Variants in THEMIS observed in about 807,000 individuals in gnomAD.
THEMIS encodes the protein protein THEMIS.
In THEMIS, 37 loss-of-function variants were observed where a neutral mutation model predicts 52.6. That is an observed-to-expected ratio of 0.70 (90% CI 0.54 to 0.93). The LOEUF (loss-of-function observed/expected upper bound fraction) is 0.93. THEMIS is among the 40% of genes least tolerant of loss of function. THEMIS has a pLI of 0.00. For missense variants in THEMIS, 808 were observed against 763.1 expected, an observed-to-expected ratio of 1.06 and a Z score of -0.69; for synonymous variants, 292 against 272.7, an observed-to-expected ratio of 1.07 and a Z score of -0.70.
chr6:127,787,658 A>G (rs1380572392), intron 4 of THEMIS, among the ~76,000 whole-genome samples: 1 of 152,154 alleles, frequency 6.6e-6, no homozygotes, highest in Non-Finnish European at 1.5e-5. Context: ...ATCTTGATAA[A>G]CGATACCATA....
At chr6:127,811,878 T>G (rs1043272589) in intron 4 of THEMIS, among the ~76,000 whole-genome samples, 1 of 152,214 alleles carries the variant, frequency 6.6e-6, no homozygotes, top group Non-Finnish European at 1.5e-5. Context: ...GGTTTTATCT[T>G]TTTCTAAAGA....
At chr6:127,707,455 C>T (rs1485296467), downstream of THEMIS, among the ~76,000 whole-genome samples, 1 of 152,042 alleles carries the variant, frequency 6.6e-6, no homozygotes, top group Non-Finnish European at 1.5e-5. Context: ...TTCTCACAAT[C>T]AGAATAGATT....
At chr6:127,705,489 CTGA>C (rs1451961538), downstream of THEMIS, among the ~76,000 whole-genome samples, 6 of 152,216 alleles carry the variant, frequency 3.9e-5, no homozygotes, top group African/African-American at 1.4e-4. Context: ...GGCCCTCTCC[CTGA>C]TAAGTTACCA....
rs1389611705 is a variant in THEMIS, at chr6:127,855,195, G to T, written c.92-7C>A. On this transcript the variant is annotated splice_region_variant and splice_polypyrimidine_tract_variant and intron_variant, in intron 1 of 5. Coordinates refer to ENST00000368248, the MANE Select transcript of THEMIS (RefSeq NM_001010923.3). ...AACATTTCATAAATAGAGCCTAAAA[G>T]GAAAGAAAAGTTAAAACAGCTTTTT... 6.4e-6 allele frequency: 10 copies of T among 1,568,310 alleles called. No homozygotes were observed. The highest frequency in any genetic ancestry group is 2.0e-5 in the Admixed American group (1 of 51,192).
chr6:127,750,538 A>AT lies in THEMIS; in HGVS notation c.1759-30716dup, dbSNP rs556349662. Among the ~76,000 whole-genome samples the AT allele has an allele frequency of 5.2e-3, 787 of 151,652 alleles. 22 individuals are homozygous for AT. Among genetic ancestry groups the AT allele is most frequent in the Middle Eastern group, 3.4e-3 (1 of 292 alleles). ...TCAATGCATTATTAATACAAGAGCTATTTTTTTTAGTAAAGGTATGTATTT... is the reference window on the plus strand; with the variant it reads ...TCAATGCATTATTAATACAAGAGCTATTTTTTTTTAGTAAAGGTATGTATTT... On this transcript the variant is annotated intron_variant, in intron 4 of 5. Transcript: ENST00000368248.
intron 1 of THEMIS, among the ~76,000 whole-genome samples, chr6:127,865,175 C>T (rs1304001451): frequency 1.3e-5 from 2 of 152,048 alleles, no homozygotes; most frequent in Non-Finnish European, 2.9e-5. Flanking sequence ...ACAGTGTGGC[C>T]AAGGACCTCA....
intron 4 of THEMIS, among the ~76,000 whole-genome samples, chr6:127,784,791 A>G (rs533855547): frequency 5.3e-5 from 8 of 152,220 alleles, no homozygotes; most frequent in African/African-American, 1.7e-4. Context: ...CAACCCCTGG[A>G]CTTCTCAGAT....
chr6:127,715,240 TTTATA>T (rs976723468), intron 5 of THEMIS, among the ~76,000 whole-genome samples: 9 of 151,924 alleles, frequency 5.9e-5, no homozygotes, highest in African/African-American at 2.2e-4. Flanking sequence ...CGTTATTCTG[TTTATA>T]TTATAAGAAA....
chr6:127,784,987 CTA>C (rs1776881693), intron 4 of THEMIS, among the ~76,000 whole-genome samples: 1 of 143,998 alleles, frequency 6.9e-6, no homozygotes, highest in East Asian at 2.0e-4. Context: ...ATCTATCTAT[CTA>C]TCTATCTATC....
chr6:127,855,251 T>C, intron 1 of THEMIS, 63 bp from the exon 2 acceptor site: 1 of 1,356,356 alleles, frequency 7.4e-7, no homozygotes, highest in Non-Finnish European at 9.9e-7. Context: ...CAAAGTAGAC[T>C]CAAAAGCTTA....
chr6:127,916,413 G>C (rs961346276), intron 1 of THEMIS, among the ~76,000 whole-genome samples: 1 of 152,120 alleles, frequency 6.6e-6, no homozygotes, highest in Non-Finnish European at 1.5e-5. Flanking sequence ...TGGCAGAGAG[G>C]CAACTGGAAT....
At chr6:127,703,345 C>A (rs1054051532), downstream of THEMIS, among the ~76,000 whole-genome samples, 1 of 152,100 alleles carries the variant, frequency 6.6e-6, no homozygotes, top group Non-Finnish European at 1.5e-5. Context: ...CCGCGCCCGG[C>A]TAGAATGAGT....
chr6:127,824,245 T>C (rs2114643674), intron 3 of THEMIS, among the ~76,000 whole-genome samples: 1 of 152,152 alleles, frequency 6.6e-6, no homozygotes, highest in East Asian at 1.9e-4. Context: ...GAGGGAAGCG[T>C]GGAACTGAAA....
intron 4 of THEMIS, among the ~76,000 whole-genome samples, chr6:127,744,867 A>G (rs1322989819): frequency 6.6e-6 from 1 of 151,862 alleles, no homozygotes; most frequent in Non-Finnish European, 1.5e-5. Context: ...ACACATTAGC[A>G]AAAAGATTCA....
intron 4 of THEMIS, among the ~76,000 whole-genome samples, chr6:127,778,481 A>G (rs1583266295): frequency 6.6e-6 from 1 of 152,092 alleles, no homozygotes; most frequent in Non-Finnish European, 1.5e-5. Flanking sequence ...TCTGCCTTTT[A>G]TTGAAGTGCT....
intron 4 of THEMIS, among the ~76,000 whole-genome samples, chr6:127,756,077 C>G (rs1775815738): frequency 6.6e-6 from 1 of 151,344 alleles, no homozygotes; most frequent in African/African-American, 2.4e-5. Context: ...AACCCAAAAC[C>G]AAAAAACCCA....
intron 4 of THEMIS, among the ~76,000 whole-genome samples, chr6:127,741,421 G>T (rs1391052875): frequency 6.6e-6 from 1 of 152,050 alleles, no homozygotes; most frequent in African/African-American, 2.4e-5. Flanking sequence ...AATCATAGAA[G>T]GAGGAAAAAA....
chr6:127,815,982 C>A (rs1778116887), intron 3 of THEMIS, among the ~76,000 whole-genome samples: 1 of 152,120 alleles, frequency 6.6e-6, no homozygotes, highest in Non-Finnish European at 1.5e-5. Flanking sequence ...CTGGAGAAAC[C>A]CTACAGGCCA....
At chr6:127,783,314 A>C (rs1266336315) in intron 4 of THEMIS, among the ~76,000 whole-genome samples, 2 of 152,252 alleles carry the variant, frequency 1.3e-5, no homozygotes, top group Admixed American at 6.5e-5. Context: ...AATACCATTC[A>C]GGACATAGGC....
Sources: allele counts gnomAD v4.1 joint callset (sites outside exome capture counted in the v4.1 genomes callset), GRCh38; gene constraint gnomAD v4.1.1; transcripts MANE v1.5; gene names NCBI Gene and HGNC (gene_info 2026-07-23, HGNC 2026-07-21).